The following RDX variants were observed in gnomAD, a reference collection of about 807,000 sequenced individuals.
The protein encoded by RDX is deafness, autosomal recessive 24.
A neutral mutation model predicts 83.7 loss-of-function variants in RDX; 32 were observed. That is an observed-to-expected ratio of 0.38 (90% CI 0.29 to 0.51). The LOEUF is 0.51. RDX is among the 20% of genes least tolerant of loss of function. The pLI is 0.87. For missense variants in RDX, 600 were observed against 689.9 expected (o/e 0.87, Z 1.46); for synonymous variants, 229 against 222.7 (o/e 1.03, Z -0.25).
chr11:110,247,571 G>A lies in RDX; in HGVS notation c.1090+132C>T, dbSNP rs1441028567. 6 of 848,230 alleles carry A rather than the reference G, an allele frequency of 7.1e-6. No homozygotes were observed. The East Asian group carries it at 1.6e-4, about 22-fold the overall frequency. 52.5% of individuals were successfully genotyped at this position (848,230 alleles called of 1,614,324 possible). On this transcript the variant is annotated intron_variant, in intron 10 of 13. Coordinates refer to ENST00000645495, the MANE Select transcript of RDX (RefSeq NM_002906.4). Reference sequence around the variant, plus strand: ...CATGTTTATGATGTGATTCCACTAAGTATTAATTTGCCAATTAAATATACA... The same window carrying A: ...CATGTTTATGATGTGATTCCACTAAATATTAATTTGCCAATTAAATATACA...
In RDX at chr11:110,233,424, A is replaced by T; in HGVS notation, c.1400T>A (p.Met467Lys). The change falls in exon 13 of 14, where the codon ATG becomes AAG. Residue 467 changes from methionine to lysine, a missense_variant. Met to Lys is a moderately conservative substitution (Grantham distance 95). Transcript: ENST00000645495. ...EKTKEELKTVMSAPPPPPPPP... is the reference protein window; with the variant it reads ...EKTKEELKTVKSAPPPPPPPP... Reference sequence around the variant, plus strand: ...TGGTGGAGGTGGAGGGGGGGCAGACATCACAGTTTTTAACTCTTCTTTGGT... The same window carrying T: ...TGGTGGAGGTGGAGGGGGGGCAGACTTCACAGTTTTTAACTCTTCTTTGGT... 6.2e-7 allele frequency: 1 copy of T among 1,614,078 alleles called. No individual in the cohort carries two copies. The highest frequency in any genetic ancestry group is 8.5e-7 in the Non-Finnish European group (1 of 1,179,986).
chr11:110,202,799 T>A lies in RDX; in HGVS notation c.1749-3121A>T, dbSNP rs551813491. Among the ~76,000 whole-genome samples the A allele has an allele frequency of 2.0e-5, 3 of 152,026 alleles. No individual in the cohort carries two copies. In the South Asian group the frequency reaches 6.3e-4, roughly 32 times the overall value. ...AAAAGGTGCTCAACATCATTGAGCA[T>A]CAGAGAAATGCAAACCAAAACTGCA... On this transcript the variant is annotated intron_variant, in intron 14 of 15. Coordinates refer to the RDX transcript ENST00000528498.
intron 1 of RDX, among the ~76,000 whole-genome samples, chr11:110,289,094 C>T (rs1408601538): frequency 2.0e-5 from 3 of 151,858 alleles, no homozygotes; most frequent in Non-Finnish European, 4.4e-5. Context: ...AAAAATTAGC[C>T]GAGCGTGGTG....
In RDX at chr11:110,247,699, T is replaced by C. The variant is rs1031213546; in HGVS notation, c.1090+4A>G. On this transcript the variant is annotated splice_donor_region_variant and intron_variant, in intron 10 of 13. Coordinates refer to ENST00000645495, the MANE Select transcript of RDX (RefSeq NM_002906.4). The stretch of plus-strand genomic sequence containing the variant: ...TAATCCATTTTCAAAAAAGAAACTT[T>C]TACCTTTCTGAGCTTTAATTGTCTG... 6.2e-7 allele frequency: 1 copy of C among 1,610,174 alleles called. No homozygotes were observed. The highest frequency in any genetic ancestry group is 8.5e-7 in the Non-Finnish European group (1 of 1,179,204).
At chr11:110,283,767 A>T (rs1235884346) in intron 1 of RDX, among the ~76,000 whole-genome samples, 1 of 152,184 alleles carries the variant, frequency 6.6e-6, no homozygotes, top group East Asian at 1.9e-4. Flanking sequence ...TTTTGGAAGA[A>T]TAACATAATA....
At chr11:110,246,283 T>C (rs972779026) in intron 10 of RDX, among the ~76,000 whole-genome samples, 2 of 152,204 alleles carry the variant, frequency 1.3e-5, no homozygotes, top group Non-Finnish European at 2.9e-5. Flanking sequence ...TTTATAGCAA[T>C]CTTTGTGGCT....
downstream of RDX, among the ~76,000 whole-genome samples, chr11:110,227,288 CATAA>C (rs1565302110): frequency 6.6e-6 from 1 of 152,044 alleles, no homozygotes; most frequent in Non-Finnish European, 1.5e-5. Flanking sequence ...AAAATAGTCA[CATAA>C]ATAATCTCAG....
rs757035960 is a variant in RDX, at chr11:110,268,970, C to CAT, written c.96+3564_96+3565dup. On this transcript the variant is annotated intron_variant, in intron 3 of 13. Transcript: ENST00000645495. ...TGTTTAAAAATACATATTATATATA[C>CAT]ATATATATATATTTTTTTAATTAAT... 2.3e-4 allele frequency among the ~76,000 whole-genome samples: 35 copies of CAT among 149,042 alleles called. No individual in the cohort carries two copies. In the Middle Eastern group the frequency reaches 0.011, roughly 45 times the overall value.
intron 10 of RDX, among the ~76,000 whole-genome samples, chr11:110,247,060 T>A (rs530406537): frequency 6.6e-6 from 1 of 152,322 alleles, no homozygotes; most frequent in African/African-American, 2.4e-5. Context: ...ATTCGCTGAG[T>A]GAAAGTGGTA....
intron 1 of RDX, among the ~76,000 whole-genome samples, chr11:110,283,897 T>C (rs1860869736): frequency 6.6e-6 from 1 of 152,094 alleles, no homozygotes; most frequent in African/African-American, 2.4e-5. Flanking sequence ...AACAGTATAA[T>C]AAAGCTGTTA....
Position 110,258,159 on chromosome 11 carries a change from T to A in RDX, c.498A>T (p.Glu166Asp), listed in dbSNP as rs775863166. ...RVLEQHKLTK[E>D]QWEERIQNWH... is the part of the protein sequence containing the mutation. ...AGTTCTGTATTCTTTCTTCCCACTGTTCTTTTGTTAGTTTGTGTTGTTCCA... is the reference window on the plus strand; with the variant it reads ...AGTTCTGTATTCTTTCTTCCCACTGATCTTTTGTTAGTTTGTGTTGTTCCA... Residue 166 changes from glutamate (E) to aspartate (D), a missense_variant, in exon 6 of 14, where the codon GAA (glutamate) becomes GAT (aspartate). Physicochemically the swap from Glu to Asp is conservative, Grantham distance 45 (BLOSUM62 2). Transcript: ENST00000645495. 6.2e-7 allele frequency: 1 copy of A among 1,611,746 alleles called. No individual in the cohort carries two copies. Among genetic ancestry groups the A allele is most frequent in the Non-Finnish European group, 8.5e-7 (1 of 1,178,824 alleles).
downstream of RDX, among the ~76,000 whole-genome samples, chr11:110,226,161 C>CT (rs1370819697): frequency 6.6e-6 from 1 of 151,902 alleles, no homozygotes; most frequent in Non-Finnish European, 1.5e-5. Flanking sequence ...AGCAGGGACT[C>CT]TAAGATATTT....
chr11:110,182,497 A>G (rs1465735364), intron 15 of RDX, among the ~76,000 whole-genome samples: 1 of 150,652 alleles, frequency 6.6e-6, no homozygotes, highest in Non-Finnish European at 1.5e-5. Context: ...GCTACTCGGG[A>G]GGCTGAGGTG....
Position 110,237,477 on chromosome 11 carries a change from A to G in RDX, c.1251+15T>C. The G allele has an allele frequency of 1.9e-6, 3 of 1,611,348 alleles. No homozygotes were observed. Among genetic ancestry groups the G allele is most frequent in the Non-Finnish European group, 2.5e-6 (3 of 1,179,550 alleles). ...TTTTATTTAAACTTTTTTCTCTAAGAAGACAGTTCCTTACTAGCTGCTCCT... is the reference window on the plus strand; with the variant it reads ...TTTTATTTAAACTTTTTTCTCTAAGGAGACAGTTCCTTACTAGCTGCTCCT... On this transcript the variant is annotated intron_variant, in intron 11 of 13. Coordinates refer to ENST00000645495, the MANE Select transcript of RDX (RefSeq NM_002906.4).
At chr11:110,256,953 A>G (rs1302230280) in intron 7 of RDX, among the ~76,000 whole-genome samples, 2 of 152,152 alleles carry the variant, frequency 1.3e-5, no homozygotes, top group Non-Finnish European at 2.9e-5. Flanking sequence ...AATAAAGAAT[A>G]ATGCCTTAGG....
rs1369805871 is a variant in RDX at position 110,285,218 on chromosome 11, C to T, written c.-64-5462G>A. 2.6e-5 allele frequency among the ~76,000 whole-genome samples: 4 copies of T among 151,032 alleles called. No individual in the cohort carries two copies. In the East Asian group the frequency reaches 7.9e-4, roughly 30 times the overall value. ...TCTGGCCAACATAGTGAAACCCGGT[C>T]TCTACTAAAAATACAAAAAATTAGC... is the stretch of plus-strand genomic sequence containing the variant. On this transcript the variant is annotated intron_variant, in intron 1 of 13. Coordinates refer to ENST00000645495, the MANE Select transcript of RDX (RefSeq NM_002906.4).
downstream of RDX, among the ~76,000 whole-genome samples, chr11:110,229,178 A>G (rs1049509986): frequency 6.6e-6 from 1 of 152,008 alleles, no homozygotes; most frequent in Admixed American, 6.6e-5. Context: ...TAACCACTAT[A>G]CAATAAAGGC....
At chr11:110,237,192 C>T (rs1316003826) in intron 11 of RDX, among the ~76,000 whole-genome samples, 1 of 150,970 alleles carries the variant, frequency 6.6e-6, no homozygotes, top group Non-Finnish European at 1.5e-5. Flanking sequence ...AAGCAAAAGA[C>T]GCCAACTGAC....
At chr11:110,215,012 A>G (rs1214604712) in intron 14 of RDX, among the ~76,000 whole-genome samples, 3 of 141,714 alleles carry the variant, frequency 2.1e-5, no homozygotes, top group Non-Finnish European at 4.5e-5. Flanking sequence ...TGAAAAAAAT[A>G]AAAAAAACAT....
Sources: gnomAD v4.1 joint callset for allele counts (sites outside exome capture counted in the v4.1 genomes callset) on GRCh38, gnomAD v4.1.1 for gene constraint, MANE v1.5 for transcripts, NCBI Gene and HGNC (gene_info 2026-07-23, HGNC 2026-07-21) for gene names.